Variants in CFAP44 observed in about 807,000 individuals in gnomAD.
The protein encoded by CFAP44 is cilia and flagella associated protein 44.
A neutral mutation model predicts 216.2 loss-of-function variants in CFAP44; 134 were observed. The ratio of observed to expected loss-of-function variants is 0.62; its 90% CI spans 0.54 to 0.72. CFAP44 has a LOEUF of 0.72. Ranked by LOEUF, CFAP44 falls within the 30% of genes least tolerant of loss-of-function variation. The pLI is 0.00. For synonymous variants in CFAP44, 700 were observed against 727.6 expected, an observed-to-expected ratio of 0.96 and a Z score of 0.61; for missense variants, 2,035 against 2,182.1, an observed-to-expected ratio of 0.93 and a Z score of 1.34.
At chr3:113,433,080 C>G (rs1458475803) in intron 2 of CFAP44, among the ~76,000 whole-genome samples, 1 of 152,070 alleles carries the variant, frequency 6.6e-6, no homozygotes, top group African/African-American at 2.4e-5. Flanking sequence ...TCTTTGCTAA[C>G]TCCATCATTT....
Position 113,327,616 on chromosome 3 carries a change from T to C in CFAP44, c.4320A>G (p.Gln1440=), listed in dbSNP as rs1211134450. The change falls in exon 27 of 35, where the codon CAA becomes CAG. Residue 1440 remains glutamine (Q), a splice_region_variant and synonymous_variant. Coordinates refer to ENST00000393845, the MANE Select transcript of CFAP44 (RefSeq NM_001164496.2). The part of the protein sequence containing the change: ...NSLDKEEQYM[Q]WKINETLKEM... ...CTAGGATTCTTCTGCCCACTCATAC[T>C]TGCATGTACTGTTCCTCTTTGTCTA... is the stretch of plus-strand genomic sequence containing the variant. 6.5e-7 allele frequency: 1 copy of C among 1,534,424 alleles called. No individual in the cohort carries two copies. Among genetic ancestry groups the C allele is most frequent in the East Asian group, 2.4e-5 (1 of 40,840 alleles).
At chr3:113,410,198 G>A (rs551481081) in intron 6 of CFAP44, among the ~76,000 whole-genome samples, 8 of 151,626 alleles carry the variant, frequency 5.3e-5, no homozygotes, top group East Asian at 3.9e-4. Context: ...TGTGCACAAC[G>A]TGCAGGTTTG....
chr3:113,394,803 A>T (rs558339517), intron 15 of CFAP44, among the ~76,000 whole-genome samples: 72 of 152,354 alleles, frequency 4.7e-4, no homozygotes, highest in Non-Finnish European at 5.3e-4. Flanking sequence ...CAAAGCCCAC[A>T]TGCATGCAGC....
In CFAP44 at chr3:113,288,245, G is replaced by GCATCC. The variant is rs1272974044; in HGVS notation, c.*3307_*3311dup. The stretch of plus-strand genomic sequence containing the variant: ...GTCACTCTGACTGTTTAGGGCAAGT[G>GCATCC]CATCCTCTGCTGGCCAAAATAAGTA... On this transcript the variant is annotated 3_prime_UTR_variant, in exon 35 of 35. Transcript: ENST00000393845. 1 of 152,208 alleles carries GCATCC rather than the reference G, an allele frequency of 6.6e-6. No individual in the cohort carries two copies. Among genetic ancestry groups the GCATCC allele is most frequent in the Non-Finnish European group, 1.5e-5 (1 of 68,044 alleles). 9.4% of individuals were successfully genotyped at this position (152,208 alleles called of 1,614,324 possible). A position where few individuals can be genotyped will look rare whatever the true frequency, so the allele number is the denominator to read the frequency against.
chr3:113,326,704 G>T, intron 27 of CFAP44, 64 bp from the exon 28 acceptor site: 1 of 1,007,934 alleles, frequency 9.9e-7, no homozygotes. Flanking sequence ...AGAGAGCAAT[G>T]TACTTTACAA....
chr3:113,399,103 G>A (rs190253430), intron 13 of CFAP44, among the ~76,000 whole-genome samples: 1 of 152,154 alleles, frequency 6.6e-6, no homozygotes, highest in East Asian at 1.9e-4. Context: ...CATGGAGAGG[G>A]TGTTAGGTAT....
In CFAP44 at chr3:113,325,227, G is replaced by A. The variant is rs138640334; in HGVS notation, c.4516+1218C>T. On this transcript the variant is annotated intron_variant, in intron 28 of 34. Transcript: ENST00000393845. ...TGAGTCAGGAGAGTGGTGTGAACCCGAGGGCGGAGCTTGCAGTGAGCCGAG... is the reference window on the plus strand; with the variant it reads ...TGAGTCAGGAGAGTGGTGTGAACCCAAGGGCGGAGCTTGCAGTGAGCCGAG... 1.5e-3 allele frequency among the ~76,000 whole-genome samples: 223 copies of A among 149,742 alleles called. 1 individual carries two copies. The highest frequency in any genetic ancestry group is 5.2e-3 in the African/African-American group (212 of 40,764).
intron 8 of CFAP44, among the ~76,000 whole-genome samples, chr3:113,405,277 A>G (rs1934247613): frequency 6.6e-6 from 1 of 152,056 alleles, no homozygotes; most frequent in South Asian, 2.1e-4. Flanking sequence ...CTTTAGACTT[A>G]TTTTCTTCTG....
At chr3:113,377,042 C>A (rs1364949863) in intron 17 of CFAP44, among the ~76,000 whole-genome samples, 1 of 152,056 alleles carries the variant, frequency 6.6e-6, no homozygotes, top group Non-Finnish European at 1.5e-5. Flanking sequence ...AATATAGATC[C>A]CTATAGGGTG....
intron 2 of CFAP44, among the ~76,000 whole-genome samples, chr3:113,430,429 G>GAAAAAAA (rs754983161): frequency 1.3e-5 from 1 of 74,214 alleles, no homozygotes; most frequent in African/African-American, 4.2e-5. Flanking sequence ...AAAAATAAAT[G>GAAAAAAA]AAAAAAAAAA....
chr3:113,341,347 AT>A (rs11378094), intron 24 of CFAP44, among the ~76,000 whole-genome samples: 219 of 149,230 alleles, frequency 1.5e-3, no homozygotes, highest in African/African-American at 4.7e-3. Context: ...TCAATACTGG[AT>A]TTTTTTTTTT....
rs199869411 is a variant in CFAP44 at position 113,359,734 on chromosome 3, TG to T, written c.2935-860del. Among the ~76,000 whole-genome samples the T allele has an allele frequency of 2.0e-5, 3 of 152,182 alleles. No individual in the cohort carries two copies. In the East Asian group the frequency reaches 5.8e-4, roughly 29 times the overall value. On this transcript the variant is annotated intron_variant, in intron 21 of 34. Coordinates refer to ENST00000393845, the MANE Select transcript of CFAP44 (RefSeq NM_001164496.2). ...ATATTAAGAATTATGGGTTTTTACT[TG>T]ATCAGATGGTTAATTAACTCCATTT...
At chr3:113,356,173 A>G (rs1559921620) in intron 22 of CFAP44, among the ~76,000 whole-genome samples, 1 of 150,404 alleles carries the variant, frequency 6.6e-6, no homozygotes, top group African/African-American at 2.4e-5. Context: ...TATATTATTT[A>G]GATATATGGT....
intron 2 of CFAP44, chr3:113,428,874 TTTTG>T (rs1386156621): frequency 1.3e-5 from 2 of 152,160 alleles, no homozygotes; most frequent in African/African-American, 4.8e-5. Context: ...CTTCCATTTT[TTTTG>T]TTTGTTTCCT....
intron 18 of CFAP44, among the ~76,000 whole-genome samples, chr3:113,371,963 A>T (rs1191194909): frequency 6.6e-6 from 1 of 152,262 alleles, no homozygotes; most frequent in Non-Finnish European, 1.5e-5. Context: ...CGCAGCCAAC[A>T]GACACAATGA....
chr3:113,417,336 T>C (rs1468554934), intron 5 of CFAP44: 1 of 152,166 alleles, frequency 6.6e-6, no homozygotes, highest in South Asian at 2.1e-4. Context: ...ATACAGTAAG[T>C]ATGCCCTGGA....
chr3:113,406,928 T>C lies in CFAP44; in HGVS notation c.1004A>G (p.Lys335Arg), dbSNP rs1231763891. Reference sequence around the variant, plus strand: ...TTGTAGAATAGTAGCTGTACTCACCTTCCCATCTGGGAGCTCCATGTAGCC... The same window carrying C: ...TTGTAGAATAGTAGCTGTACTCACCCTCCCATCTGGGAGCTCCATGTAGCC... ...IEGYMELPDG[K>R]VLSGSEWGNM... Residue 335 changes from lysine to arginine, a missense_variant and splice_region_variant, in exon 8 of 35, where the codon AAG (lysine) becomes AGG (arginine). Physicochemically the swap from Lys to Arg is conservative, Grantham distance 26 (BLOSUM62 2). Coordinates refer to ENST00000393845, the MANE Select transcript of CFAP44 (RefSeq NM_001164496.2). The C allele has an allele frequency of 3.1e-6, 5 of 1,610,334 alleles. No homozygotes were observed. The highest frequency in any genetic ancestry group is 3.4e-6 in the Non-Finnish European group (4 of 1,176,592).
At chr3:113,360,431 A>T (rs1051722091) in intron 21 of CFAP44, 1 of 233,526 alleles carries the variant, frequency 4.3e-6, no homozygotes, top group Non-Finnish European at 9.6e-6. Flanking sequence ...TCATGGGACA[A>T]CTTCACTGCA....
intron 1 of CFAP44, chr3:113,434,609 CT>C (rs1935191339): frequency 6.6e-6 from 1 of 152,176 alleles, no homozygotes; most frequent in South Asian, 2.1e-4. Context: ...TAAGTCTTCA[CT>C]TCTCTATACT....
Sources: allele counts gnomAD v4.1 joint callset (sites outside exome capture counted in the v4.1 genomes callset), GRCh38; gene constraint gnomAD v4.1.1; transcripts MANE v1.5; gene names NCBI Gene and HGNC (gene_info 2026-07-23, HGNC 2026-07-21).